The following ZBTB7B variants were observed in gnomAD, a reference collection of about 807,000 sequenced individuals.
ZBTB7B encodes the protein zinc finger and BTB domain containing 7B.
Under a neutral mutation model 31.0 loss-of-function variants are expected in ZBTB7B, and 8 were observed. That is an observed-to-expected ratio of 0.26 (90% confidence interval 0.15 to 0.47). The LOEUF is 0.47. Ranked by LOEUF, ZBTB7B falls within the 20% of genes least tolerant of loss-of-function variation. ZBTB7B has a pLI of 0.99. For missense variants in ZBTB7B, 494 were observed against 742.4 expected (o/e 0.67, Z 3.89); for synonymous variants, 261 against 307.3 (o/e 0.85, Z 1.58).
rs1013114600 is a variant in ZBTB7B, at chr1:155,012,733, G to A, written c.-6-1922G>A. On this transcript the variant is annotated intron_variant, in intron 1 of 2. Coordinates refer to ENST00000535420, the MANE Select transcript of ZBTB7B (RefSeq NM_001256455.2). The stretch of plus-strand genomic sequence containing the variant: ...CCTTGCAATGAAGAGGGCAGGCAGG[G>A]AGGCAGACACAGAGAATGCACTTCT... 5.3e-4 allele frequency among the ~76,000 whole-genome samples: 80 copies of A among 151,856 alleles called. 1 individual carries two copies. The Middle Eastern group carries it at 0.017, about 32-fold the overall frequency.
Position 155,014,591 on chromosome 1 carries a change from G to A in ZBTB7B, c.-6-64G>A, listed in dbSNP as rs572538505. On this transcript the variant is annotated intron_variant, in intron 1 of 2. Transcript: ENST00000535420. ...CCTCAATAAGTATTGGCTAAAGTTG[G>A]TCCTCTTTCCCCAGACCCCTGTGGG... The A allele has an allele frequency of 9.4e-6, 14 of 1,494,178 alleles. No individual in the cohort carries two copies. The Admixed American group carries it at 1.6e-4, about 18-fold the overall frequency. 92.6% of individuals were successfully genotyped at this position (1,494,178 alleles called of 1,614,324 possible).
chr1:155,005,346 A>G lies in ZBTB7B; in HGVS notation c.-7+2403A>G, dbSNP rs76975602. 1.2e-3 allele frequency among the ~76,000 whole-genome samples: 182 copies of G among 152,268 alleles called. 3 individuals are homozygous for G. The East Asian group carries it at 0.033, about 27-fold the overall frequency. On this transcript the variant is annotated intron_variant, in intron 1 of 2. Transcript: ENST00000535420. ...CCCATTCCAAGCCAAGGCTGAGAGA[A>G]CCAGCCCCTGATCCTATGGCTGCCT...
chr1:155,009,055 G>A (rs2102283797), intron 1 of ZBTB7B, among the ~76,000 whole-genome samples: 1 of 152,356 alleles, frequency 6.6e-6, no homozygotes, highest in East Asian at 1.9e-4. Context: ...AATTAGCCAA[G>A]GGTCAGAGGA....
rs748376077 is a variant in ZBTB7B, at chr1:155,014,801, C to T, written c.141C>T (p.Thr47=). The T allele has an allele frequency of 1.2e-6, 2 of 1,614,222 alleles. No individual in the cohort carries two copies. The highest frequency in any genetic ancestry group is 3.3e-5 in the Admixed American group (2 of 60,028). The change falls in exon 2 of 3, where the codon ACC becomes ACT. Residue 47 remains threonine, a synonymous_variant. Coordinates refer to ENST00000535420, the MANE Select transcript of ZBTB7B (RefSeq NM_001256455.2). The part of the protein sequence containing the change: ...TIRTQGLEYR[T]HRAVLAACSH... ...GGACGCAGGGCCTTGAATACCGCAC[C>T]CACAGGGCTGTGCTAGCTGCCTGTA...
Position 155,016,694 on chromosome 1 carries a change from G to A in ZBTB7B, c.*9G>A, listed in dbSNP as rs375407298. 2.5e-5 allele frequency: 37 copies of A among 1,458,472 alleles called. No homozygotes were observed. Among genetic ancestry groups the A allele is most frequent in the African/African-American group, 9.8e-5 (7 of 71,298 alleles). 90.3% of individuals were successfully genotyped at this position (1,458,472 alleles called of 1,614,324 possible). A position where few individuals can be genotyped will look rare whatever the true frequency, so the allele number is the denominator to read the frequency against. On this transcript the variant is annotated 3_prime_UTR_variant, in exon 3 of 3. Coordinates refer to ENST00000535420, the MANE Select transcript of ZBTB7B (RefSeq NM_001256455.2). This position sits in a 1 kb window ranked among gnomAD's most constrained non-coding sequence, Gnocchi z 4.3. ...CCATGGAGTCCTCTTAAAGAGGGACGAGGGCCAGACTGAAGCAGCACAAGG... is the reference window on the plus strand; with the variant it reads ...CCATGGAGTCCTCTTAAAGAGGGACAAGGGCCAGACTGAAGCAGCACAAGG...
In ZBTB7B at chr1:155,018,371, G is replaced by A; in HGVS notation, c.*1686G>A. The A allele has an allele frequency of 1.5e-6, 1 of 664,958 alleles. No individual in the cohort carries two copies. Among genetic ancestry groups the A allele is most frequent in the Non-Finnish European group, 2.5e-6 (1 of 397,236 alleles). 41.2% of individuals were successfully genotyped at this position (664,958 alleles called of 1,614,324 possible). Reference sequence around the variant, plus strand: ...CCTGGGGCCCAGCCCCAGAAAGTGGGGACAATGTGGCCTCCCTTCTCCCTA... The same window carrying A: ...CCTGGGGCCCAGCCCCAGAAAGTGGAGACAATGTGGCCTCCCTTCTCCCTA... On this transcript the variant is annotated 3_prime_UTR_variant, in exon 3 of 3. Coordinates refer to ENST00000535420, the MANE Select transcript of ZBTB7B (RefSeq NM_001256455.2).
chr1:155,012,799 C>T (rs1659083447), intron 1 of ZBTB7B, among the ~76,000 whole-genome samples: 1 of 146,612 alleles, frequency 6.8e-6, no homozygotes, highest in Admixed American at 6.8e-5. Flanking sequence ...CTCCCCCATT[C>T]ACCCCCCCAC....
Position 155,015,479 on chromosome 1 carries a change from T to C in ZBTB7B, c.819T>C (p.Tyr273=). Residue 273 remains tyrosine (Y), a synonymous_variant, in exon 2 of 3, where the codon TAT becomes TAC. Transcript: ENST00000535420. Reference sequence around the variant, plus strand: ...AGGGTCCCCAGAGCTACGAACCCTATGAGGGTGAGGAAGAAGAAGAGGAGC... The same window carrying C: ...AGGGTCCCCAGAGCTACGAACCCTACGAGGGTGAGGAAGAAGAAGAGGAGC... The part of the protein sequence containing the change: ...PPEGPQSYEP[Y]EGEEEEEELV... The C allele has an allele frequency of 6.2e-7, 1 of 1,611,866 alleles. No individual in the cohort carries two copies. Among genetic ancestry groups the C allele is most frequent in the Non-Finnish European group, 8.5e-7 (1 of 1,178,754 alleles).
chr1:155,012,679 C>T (rs1317822768), intron 1 of ZBTB7B, among the ~76,000 whole-genome samples: 2 of 151,916 alleles, frequency 1.3e-5, no homozygotes, highest in African/African-American at 2.4e-5. Context: ...GGGTGCTGCT[C>T]ACCCAAGGTT....
intron 1 of ZBTB7B, among the ~76,000 whole-genome samples, chr1:155,011,745 G>A (rs1370589460): frequency 6.6e-6 from 1 of 152,248 alleles, no homozygotes; most frequent in Non-Finnish European, 1.5e-5. Context: ...CCTTCATGGG[G>A]CGTCAGGGGA....
intron 1 of ZBTB7B, among the ~76,000 whole-genome samples, chr1:155,013,778 G>A (rs541622277): frequency 2.6e-5 from 4 of 152,036 alleles, no homozygotes; most frequent in South Asian, 2.1e-4. Flanking sequence ...TTATCTGTGC[G>A]GGGCAGGAAG....
Position 155,016,125 on chromosome 1 carries a change from G to T in ZBTB7B, c.1155-95G>T. The T allele has an allele frequency of 7.4e-7, 1 of 1,347,996 alleles. No homozygotes were observed. Among genetic ancestry groups the T allele is most frequent in the South Asian group, 1.3e-5 (1 of 75,256 alleles). The allele number at this position is 1,347,996 out of a possible 1,614,324, so 83.5% of individuals were successfully genotyped here. Reference sequence around the variant, plus strand: ...CAATAGTGGGGTAACAAATGGTGAGGAACAGGGATGGGACAAGGCCAGGGT... The same window carrying T: ...CAATAGTGGGGTAACAAATGGTGAGTAACAGGGATGGGACAAGGCCAGGGT... On this transcript the variant is annotated intron_variant, in intron 2 of 2. Coordinates refer to ENST00000535420, the MANE Select transcript of ZBTB7B (RefSeq NM_001256455.2). This position sits in a 1 kb window ranked among gnomAD's most constrained non-coding sequence, Gnocchi z 4.3.
At chr1:155,010,872 G>C (rs1658920495) in intron 1 of ZBTB7B, 2 of 1,507,414 alleles carry the variant, frequency 1.3e-6, no homozygotes, top group East Asian at 4.9e-5. Context: ...CAAGGCACCA[G>C]GAGCGTTGGG....
chr1:155,015,395 T>G lies in ZBTB7B; in HGVS notation c.735T>G (p.Ser245Arg), dbSNP rs150014228. ...AGGTGGCGGGCAGAGTGGGCAGCAG[T>G]GGGGGCAGTGGGCCGGGGGACAGCT... The part of the protein sequence containing the change: ...EEEVAGRVGS[S>R]GGSGPGDSYS... The change falls in exon 2 of 3, where the codon AGT (serine) becomes AGG (arginine). Residue 245 changes from serine to arginine, a missense_variant. By Grantham distance (110) the Ser-to-Arg change is moderately radical. Transcript: ENST00000535420. 6.4e-7 allele frequency: 1 copy of G among 1,569,032 alleles called. No individual in the cohort carries two copies. Among genetic ancestry groups the G allele is most frequent in the Non-Finnish European group, 8.7e-7 (1 of 1,155,194 alleles).
rs1659389996 is a variant in ZBTB7B, at chr1:155,016,153, G to A, written c.1155-67G>A. ...CAGGGATGGGACAAGGCCAGGGTGG[G>A]ATGACCAGGAGGAGCCAGGGATCCC... is the stretch of plus-strand genomic sequence containing the variant. On this transcript the variant is annotated intron_variant, in intron 2 of 2. Transcript: ENST00000535420. This position sits in a 1 kb window ranked among gnomAD's most constrained non-coding sequence, Gnocchi z 4.3. 2 of 1,529,596 alleles carry A rather than the reference G, an allele frequency of 1.3e-6. No individual in the cohort carries two copies. The highest frequency in any genetic ancestry group is 1.8e-6 in the Non-Finnish European group (2 of 1,119,152). 94.8% of individuals were successfully genotyped at this position (1,529,596 alleles called of 1,614,324 possible). A position where few individuals can be genotyped will look rare whatever the true frequency, so the allele number is the denominator to read the frequency against.
intron 1 of ZBTB7B, chr1:155,011,163 G>A (rs975025990): frequency 2.3e-5 from 18 of 795,630 alleles, no homozygotes; most frequent in African/African-American, 1.6e-4. Context: ...GGAAAGGGGG[G>A]TCAGCTTTAC....
chr1:155,016,589 T>C lies in ZBTB7B; in HGVS notation c.1524T>C (p.Thr508=), dbSNP rs780597197. 1.2e-6 allele frequency: 2 copies of C among 1,613,534 alleles called. No individual in the cohort carries two copies. The highest frequency in any genetic ancestry group is 1.7e-6 in the Non-Finnish European group (2 of 1,179,620). ...GATTCTGGGAGCAGTCAGCCCCCAC[T>C]GGGCCCCCGGTCTCTACCCCAGGGC... ...LARFWEQSAP[T]GPPVSTPGPP... Residue 508 remains threonine, a synonymous_variant, in exon 3 of 3, where the codon ACT becomes ACC. Coordinates refer to ENST00000535420, the MANE Select transcript of ZBTB7B (RefSeq NM_001256455.2). The surrounding 1 kb of genome is among the most constrained non-coding windows in gnomAD (Gnocchi z 4.3).
intron 1 of ZBTB7B, among the ~76,000 whole-genome samples, chr1:155,009,017 C>A (rs1161103766): frequency 1.3e-5 from 2 of 152,242 alleles, no homozygotes; most frequent in African/African-American, 2.4e-5. Flanking sequence ...CTTGGGAGAT[C>A]AGGCCCCAGG....
chr1:155,008,126 C>T (rs1658675826), intron 1 of ZBTB7B, among the ~76,000 whole-genome samples: 1 of 152,114 alleles, frequency 6.6e-6, no homozygotes, highest in African/African-American at 2.4e-5. Context: ...ATGCCCCCTC[C>T]CAGCTCCTTC....
Sources: allele counts gnomAD v4.1 joint callset (sites outside exome capture counted in the v4.1 genomes callset), GRCh38; gene constraint gnomAD v4.1.1; non-coding constraint Gnocchi (gnomAD v3.1); transcripts MANE v1.5; gene names NCBI Gene and HGNC (gene_info 2026-07-23, HGNC 2026-07-21).